Variants in DUSP16 observed in about 807,000 individuals in gnomAD.
The protein encoded by DUSP16 is dual specificity protein phosphatase 16.
Under a neutral mutation model 58.3 loss-of-function variants are expected in DUSP16, and 21 were observed. The ratio of observed to expected loss-of-function variants is 0.36; its 90% CI spans 0.26 to 0.52. DUSP16 has a LOEUF of 0.52. Among genes scored for constraint, DUSP16 ranks in the 20% least tolerant of loss-of-function variants. The pLI, the probability that DUSP16 is intolerant of heterozygous loss-of-function variation, is 0.94. For synonymous variants in DUSP16, 320 were observed against 323.8 expected, an observed-to-expected ratio of 0.99 and a Z score of 0.12; for missense variants, 726 against 819.0, an observed-to-expected ratio of 0.89 and a Z score of 1.39.
intron 4 of DUSP16, among the ~76,000 whole-genome samples, chr12:12,494,766 G>A (rs1943806422): frequency 6.6e-6 from 1 of 152,168 alleles, no homozygotes; most frequent in Admixed American, 6.5e-5. Flanking sequence ...AACTAAAAAG[G>A]TGGTATTAGG....
chr12:12,509,140 T>A (rs978338791), intron 3 of DUSP16, among the ~76,000 whole-genome samples: 1 of 152,110 alleles, frequency 6.6e-6, no homozygotes, highest in Non-Finnish European at 1.5e-5. Flanking sequence ...GAATAACCCA[T>A]CAAAAGGAAT....
At chr12:12,506,034 A>G (rs1266416846) in intron 3 of DUSP16, 1 of 152,178 alleles carries the variant, frequency 6.6e-6, no homozygotes, top group Admixed American at 6.5e-5. Flanking sequence ...ATCTATGACA[A>G]TGTTCCACTC....
intron 3 of DUSP16, among the ~76,000 whole-genome samples, chr12:12,503,224 CTTT>C (rs34349090): frequency 7.8e-5 from 9 of 115,402 alleles, no homozygotes; most frequent in Non-Finnish European, 8.9e-5. Flanking sequence ...CTGGTTATTG[CTTT>C]TTTTTTTTTT....
In DUSP16 at chr12:12,475,958, A is replaced by C. The variant is rs1189052642; in HGVS notation, c.*875T>G. On this transcript the variant is annotated 3_prime_UTR_variant, in exon 7 of 7. Coordinates refer to ENST00000298573, the MANE Select transcript of DUSP16 (RefSeq NM_030640.3). Reference sequence around the variant, plus strand: ...CCCATTTTAAACAATTCTTTGATTTACAAAGAGGGAGGTAGACTCGTTAGC... The same window carrying C: ...CCCATTTTAAACAATTCTTTGATTTCCAAAGAGGGAGGTAGACTCGTTAGC... 1 of 152,246 alleles carries C rather than the reference A, an allele frequency of 6.6e-6. No homozygotes were observed. Among genetic ancestry groups the C allele is most frequent in the Non-Finnish European group, 1.5e-5 (1 of 68,052 alleles). The allele number at this position is 152,246 out of a possible 1,614,324, so 9.4% of individuals were successfully genotyped here.
At chr12:12,557,406 G>A (rs555264255) in intron 1 of DUSP16, among the ~76,000 whole-genome samples, 84 of 149,338 alleles carry the variant, frequency 5.6e-4, no homozygotes, top group African/African-American at 1.9e-3. Flanking sequence ...GCAGAAAGCC[G>A]AGATGGCGCC....
At chr12:12,560,866 T>C (rs544036990) in intron 1 of DUSP16, 43 of 150,648 alleles carry the variant, frequency 2.9e-4, no homozygotes, top group African/African-American at 9.5e-4. Flanking sequence ...CCCCATAAGG[T>C]GAGTGGCATA....
At chr12:12,535,137 G>A (rs1158463771) in intron 1 of DUSP16, among the ~76,000 whole-genome samples, 1 of 152,200 alleles carries the variant, frequency 6.6e-6, no homozygotes, top group Non-Finnish European at 1.5e-5. Context: ...TGGCACATTA[G>A]GACGGACACC....
At chr12:12,519,283 CT>C (rs1041192567) in intron 3 of DUSP16, among the ~76,000 whole-genome samples, 1 of 152,054 alleles carries the variant, frequency 6.6e-6, no homozygotes. Flanking sequence ...TACGTTGAGA[CT>C]TTTTTTTAAT....
In DUSP16 at chr12:12,476,909, C is replaced by G. The variant is rs767135469; in HGVS notation, c.1922G>C (p.Arg641Thr). The G allele has an allele frequency of 1.2e-5, 19 of 1,613,854 alleles. No individual in the cohort carries two copies. Among genetic ancestry groups the G allele is most frequent in the Non-Finnish European group, 1.5e-5 (18 of 1,180,048 alleles). Residue 641 changes from arginine (R) to threonine (T), a missense_variant, in exon 7 of 7, where the codon AGG (arginine) becomes ACG (threonine). By Grantham distance (71) the Arg-to-Thr change is moderately conservative. Coordinates refer to ENST00000298573, the MANE Select transcript of DUSP16 (RefSeq NM_030640.3). ...EFGESIMSEN[R>T]SREELGKVGS... ...CACTTTCCCCAGCTCTTCCCGTGACCTGTTCTCTGACATGATGCTCTCTCC... is the reference window on the plus strand; with the variant it reads ...CACTTTCCCCAGCTCTTCCCGTGACGTGTTCTCTGACATGATGCTCTCTCC...
At chr12:12,527,964 G>A (rs151087130) in intron 1 of DUSP16, among the ~76,000 whole-genome samples, 112 of 152,304 alleles carry the variant, frequency 7.4e-4, no homozygotes, top group African/African-American at 2.5e-3. Flanking sequence ...TAATGCCTGC[G>A]CTTTTAGGCA....
At chr12:12,496,880 G>C (rs955853480) in intron 4 of DUSP16, among the ~76,000 whole-genome samples, 3 of 152,186 alleles carry the variant, frequency 2.0e-5, no homozygotes, top group Non-Finnish European at 4.4e-5. Flanking sequence ...GAAAATAAAA[G>C]TATGTTTTTG....
chr12:12,516,624 GAAGA>G (rs1371327834), intron 3 of DUSP16, among the ~76,000 whole-genome samples: 1 of 152,132 alleles, frequency 6.6e-6, no homozygotes, highest in Non-Finnish European at 1.5e-5. Context: ...TTATATGGAT[GAAGA>G]AAGTTTCATA....
intron 1 of DUSP16, among the ~76,000 whole-genome samples, chr12:12,554,311 T>C (rs993531058): frequency 4.0e-5 from 6 of 151,802 alleles, no homozygotes; most frequent in African/African-American, 4.8e-5. Context: ...AGTCTCACCA[T>C]GCTACCTAAG....
At position 12,477,730 on chromosome 12, in the gene DUSP16, CTGCACGCTG is replaced by C. The variant is rs768026556; in HGVS notation, c.1092_1100del (p.Ser365_Gln367del). The C allele has an allele frequency of 2.2e-5, 36 of 1,609,600 alleles. No homozygotes were observed. Among genetic ancestry groups the C allele is most frequent in the Non-Finnish European group, 2.8e-5 (33 of 1,179,502 alleles). On this transcript the variant is annotated inframe_deletion, in exon 7 of 7. Transcript: ENST00000298573. This position sits in a 1 kb window ranked among gnomAD's most constrained non-coding sequence, Gnocchi z 4.1. Reference sequence around the variant, plus strand: ...GCGGGCTGTCCTCTAACAGCGACGGCTGCACGCTGGGCACGCTGGGCACGCTGGCGGGAT... The same window carrying C: ...GCGGGCTGTCCTCTAACAGCGACGGCGGCACGCTGGGCACGCTGGCGGGAT...
intron 1 of DUSP16, among the ~76,000 whole-genome samples, chr12:12,540,155 A>C (rs1944529999): frequency 1.3e-5 from 2 of 151,846 alleles, no homozygotes; most frequent in South Asian, 4.2e-4. Flanking sequence ...CTAAAAAAAA[A>C]CATCAGCCAG....
intron 4 of DUSP16, among the ~76,000 whole-genome samples, chr12:12,488,280 T>C (rs960920262): frequency 6.6e-5 from 10 of 152,162 alleles, no homozygotes; most frequent in Non-Finnish European, 1.3e-4. Context: ...ATCTGTGAAC[T>C]CTTTCCCACT....
rs1479206792 is a variant in DUSP16 at position 12,477,627 on chromosome 12, G to A, written c.1204C>T (p.Leu402=). The A allele has an allele frequency of 6.2e-7, 1 of 1,614,126 alleles. No individual in the cohort carries two copies. The highest frequency in any genetic ancestry group is 2.2e-5 in the East Asian group (1 of 44,900). The change falls in exon 7 of 7, where the codon CTG becomes TTG. Residue 402 remains leucine, a synonymous_variant. Coordinates refer to ENST00000298573, the MANE Select transcript of DUSP16 (RefSeq NM_030640.3). This position sits in a 1 kb window ranked among gnomAD's most constrained non-coding sequence, Gnocchi z 4.1. ...DSNKLKRSFS[L]DIKSVSYSAS... The stretch of plus-strand genomic sequence containing the variant: ...GAATATGAAACTGATTTGATATCCA[G>A]AGAGAAGGAACGCTTGAGCTTATTG...
intron 1 of DUSP16, among the ~76,000 whole-genome samples, chr12:12,541,538 G>A (rs1189402556): frequency 6.6e-6 from 1 of 152,192 alleles, no homozygotes; most frequent in Non-Finnish European, 1.5e-5. Context: ...TAAATTCTCA[G>A]GAGTTGGTCA....
chr12:12,500,904 T>TG (rs1943899012), intron 3 of DUSP16, among the ~76,000 whole-genome samples: 1 of 152,174 alleles, frequency 6.6e-6, no homozygotes, highest in African/African-American at 2.4e-5. Context: ...AAGGCACTTA[T>TG]AATGAATGAC....
Sources: gnomAD v4.1 joint callset for allele counts (sites outside exome capture counted in the v4.1 genomes callset) on GRCh38, gnomAD v4.1.1 for gene constraint, Gnocchi (gnomAD v3.1) non-coding constraint, MANE v1.5 for transcripts, NCBI Gene and HGNC (gene_info 2026-07-23, HGNC 2026-07-21) for gene names.